PRKAR2B: variants seen among roughly 807,000 people sequenced by gnomAD.
The protein encoded by PRKAR2B is protein kinase cAMP-dependent type II regulatory subunit beta.
A neutral mutation model predicts 49.9 loss-of-function variants in PRKAR2B; 14 were observed. The observed-to-expected ratio is 0.28, with a 90% CI of 0.19 to 0.44. PRKAR2B has a LOEUF of 0.44. Ranked by LOEUF, PRKAR2B falls within the 20% of genes least tolerant of loss-of-function variation. The pLI, the probability that PRKAR2B is intolerant of heterozygous loss-of-function variation, is 1.00. For synonymous variants in PRKAR2B, 196 were observed against 197.7 expected (o/e 0.99, Z 0.07); for missense variants, 393 against 537.9 (o/e 0.73, Z 2.67).
chr7:107,138,884 G>A (rs977918886), intron 4 of PRKAR2B, among the ~76,000 whole-genome samples: 3 of 151,912 alleles, frequency 2.0e-5, no homozygotes, highest in African/African-American at 7.3e-5. Context: ...TTGCCATGTT[G>A]CCCAGGCTGG....
chr7:107,119,934 A>G (rs1795357535), intron 2 of PRKAR2B, among the ~76,000 whole-genome samples: 1 of 152,160 alleles, frequency 6.6e-6, no homozygotes, highest in African/African-American at 2.4e-5. Flanking sequence ...ACGCGGGTAA[A>G]TTCACCAAAG....
intron 1 of PRKAR2B, among the ~76,000 whole-genome samples, chr7:107,057,979 T>C (rs552644158): frequency 1.1e-4 from 17 of 152,206 alleles, no homozygotes; most frequent in African/African-American, 3.6e-4. Flanking sequence ...TTCAAATTTT[T>C]AAAAACTTGC....
intron 2 of PRKAR2B, among the ~76,000 whole-genome samples, chr7:107,097,841 A>C (rs552656857): frequency 6.6e-6 from 1 of 152,178 alleles, no homozygotes; most frequent in Non-Finnish European, 1.5e-5. Flanking sequence ...ATTGGCCCCC[A>C]TTCTCTTCTG....
intron 2 of PRKAR2B, among the ~76,000 whole-genome samples, chr7:107,097,428 AT>A (rs1219235898): frequency 6.6e-6 from 1 of 152,136 alleles, no homozygotes; most frequent in Non-Finnish European, 1.5e-5. Context: ...GGTCTTGTGA[AT>A]ACAGGACACT....
intron 5 of PRKAR2B, 39 bp downstream of exon 5, chr7:107,140,992 C>A (rs201558773): frequency 3.4e-6 from 5 of 1,453,094 alleles, no homozygotes; most frequent in Admixed American, 1.8e-5. Flanking sequence ...ATTGAAAGAA[C>A]CTTTTGTGTA....
chr7:107,055,430 C>G (rs892579681), intron 1 of PRKAR2B, among the ~76,000 whole-genome samples: 1 of 152,216 alleles, frequency 6.6e-6, no homozygotes, highest in Admixed American at 6.5e-5. Flanking sequence ...GTCCCACCAA[C>G]AGTGTAAAAG....
intron 6 of PRKAR2B, among the ~76,000 whole-genome samples, chr7:107,150,238 G>A (rs1362059347): frequency 6.6e-6 from 1 of 151,980 alleles, no homozygotes; most frequent in Non-Finnish European, 1.5e-5. Flanking sequence ...CTTCAACCGA[G>A]TTCTGTATCT....
At chr7:107,151,793 C>T (rs915919473) in intron 7 of PRKAR2B, among the ~76,000 whole-genome samples, 2 of 152,104 alleles carry the variant, frequency 1.3e-5, no homozygotes, top group African/African-American at 2.4e-5. Flanking sequence ...TACTGCATAT[C>T]GCTAGCCTGG....
At chr7:107,081,083 T>C (rs1794506054) in intron 2 of PRKAR2B, among the ~76,000 whole-genome samples, 1 of 152,254 alleles carries the variant, frequency 6.6e-6, no homozygotes, top group Non-Finnish European at 1.5e-5. Context: ...AAAAACACCA[T>C]AATTTTAGTG....
At chr7:107,088,893 C>T (rs891249418) in intron 2 of PRKAR2B, among the ~76,000 whole-genome samples, 1 of 152,144 alleles carries the variant, frequency 6.6e-6, no homozygotes, top group Admixed American at 6.6e-5. Context: ...AGCCACTGCA[C>T]CCAGCCGGAG....
intron 2 of PRKAR2B, among the ~76,000 whole-genome samples, chr7:107,099,720 C>G (rs527347191): frequency 7.3e-5 from 11 of 151,686 alleles, no homozygotes; most frequent in African/African-American, 2.2e-4. Context: ...CTCACTCCAA[C>G]CTCCGCCTCC....
chr7:107,082,037 G>A (rs893061063), intron 2 of PRKAR2B: 6 of 145,988 alleles, frequency 4.1e-5, no homozygotes, highest in African/African-American at 1.6e-4. Context: ...TTCAATTTTT[G>A]AACAGCAGCT....
At chr7:107,125,171 C>G (rs562187877) in intron 3 of PRKAR2B, among the ~76,000 whole-genome samples, 3 of 152,252 alleles carry the variant, frequency 2.0e-5, no homozygotes, top group African/African-American at 7.2e-5. Flanking sequence ...GTGTAGTTTG[C>G]TGATCCCTGG....
At chr7:107,134,326 G>A (rs1364604823) in intron 4 of PRKAR2B, among the ~76,000 whole-genome samples, 2 of 152,090 alleles carry the variant, frequency 1.3e-5, no homozygotes, top group Non-Finnish European at 2.9e-5. Flanking sequence ...ACCGTGCCTG[G>A]CCTGCCTTGT....
At chr7:107,050,532 A>G (rs544976560) in intron 1 of PRKAR2B, among the ~76,000 whole-genome samples, 51 of 152,212 alleles carry the variant, frequency 3.4e-4, no homozygotes, top group African/African-American at 1.2e-3. Context: ...CAGTTGTGCA[A>G]ATACAAACAG....
chr7:107,099,724 C>T (rs537634474), intron 2 of PRKAR2B, among the ~76,000 whole-genome samples: 50 of 151,952 alleles, frequency 3.3e-4, no homozygotes, highest in Non-Finnish European at 6.0e-4. Flanking sequence ...CTCCAACCTC[C>T]GCCTCCTGGG....
rs141121585 is a variant in PRKAR2B, at chr7:107,073,713, T to A, written c.343+3397T>A. 5.9e-5 allele frequency among the ~76,000 whole-genome samples: 9 copies of A among 152,312 alleles called. No individual in the cohort carries two copies. The East Asian group carries it at 1.7e-3, about 29-fold the overall frequency. ...ACAAAAGAAAAAGAAATACTGCTTT[T>A]GATCTCTTAAAATGCTCTTCAGCTC... is the stretch of plus-strand genomic sequence containing the variant. On this transcript the variant is annotated intron_variant, in intron 2 of 10. Transcript: ENST00000265717.
At chr7:107,108,761 A>AATTTTTACTGAGCCCCT (rs1441773610) in intron 2 of PRKAR2B, among the ~76,000 whole-genome samples, 2 of 152,178 alleles carry the variant, frequency 1.3e-5, no homozygotes, top group Non-Finnish European at 2.9e-5. Context: ...CCAGAGCCCC[A>AATTTTTACTGAGCCCCT]ATTTTTACTG....
Position 107,063,604 on chromosome 7 carries a change from G to C in PRKAR2B, c.308-6677G>C, listed in dbSNP as rs370951477. ...TTCAGGGAAAAGCTTCCTGAGAGGG[G>C]GTTATTTGAGCTGAGACTGGAATGG... On this transcript the variant is annotated intron_variant, in intron 1 of 10. Transcript: ENST00000265717. 3.3e-5 allele frequency among the ~76,000 whole-genome samples: 5 copies of C among 152,120 alleles called. No homozygotes were observed. In the East Asian group the frequency reaches 9.6e-4, roughly 29 times the overall value.
Sources: gnomAD v4.1 joint callset for allele counts (sites outside exome capture counted in the v4.1 genomes callset) on GRCh38, gnomAD v4.1.1 for gene constraint, MANE v1.5 for transcripts, NCBI Gene and HGNC (gene_info 2026-07-23, HGNC 2026-07-21) for gene names.